Variants in EZH1 observed in about 807,000 individuals in gnomAD.
The protein encoded by EZH1 is enhancer of zeste 1 polycomb repressive complex 2 subunit.
A neutral mutation model predicts 100.5 loss-of-function variants in EZH1; 33 were observed. The ratio of observed to expected loss-of-function variants is 0.33; its 90% confidence interval spans 0.25 to 0.44. The LOEUF (loss-of-function observed/expected upper bound fraction) is 0.44. Among genes scored for constraint, EZH1 ranks in the 20% least tolerant of loss-of-function variants. EZH1 has a pLI of 1.00. For synonymous variants in EZH1, 272 were observed against 313.8 expected (o/e 0.87, Z 1.41); for missense variants, 475 against 928.4 (o/e 0.51, Z 6.35).
intron 10 of EZH1, among the ~76,000 whole-genome samples, chr17:42,714,859 C>T (rs1211162174): frequency 7.3e-6 from 1 of 136,360 alleles, no homozygotes; most frequent in Non-Finnish European, 1.5e-5. Context: ...TATATATTTA[C>T]ATATAATTTT....
chr17:42,737,599 C>T (rs1348844289), intron 1 of EZH1, among the ~76,000 whole-genome samples: 1 of 152,200 alleles, frequency 6.6e-6, no homozygotes, highest in East Asian at 1.9e-4. Context: ...GAGTGAGACC[C>T]TGTTTCAAAC....
At chr17:42,738,004 G>A (rs574231819) in intron 1 of EZH1, among the ~76,000 whole-genome samples, 21 of 151,802 alleles carry the variant, frequency 1.4e-4, no homozygotes, top group Admixed American at 2.6e-4. Context: ...GTGAAACCCC[G>A]TCTCTACTAA....
At chr17:42,728,405 C>T (rs1262013224) in intron 3 of EZH1, among the ~76,000 whole-genome samples, 3 of 150,088 alleles carry the variant, frequency 2.0e-5, no homozygotes, top group African/African-American at 2.4e-5. Flanking sequence ...TGAGCCACCG[C>T]ACCTGGCCCT....
At chr17:42,717,081 T>C (rs1341066395) in intron 10 of EZH1, among the ~76,000 whole-genome samples, 1 of 152,192 alleles carries the variant, frequency 6.6e-6, no homozygotes, top group African/African-American at 2.4e-5. Context: ...CGCTGACTTA[T>C]CAACAAACTT....
intron 1 of EZH1, among the ~76,000 whole-genome samples, chr17:42,737,470 G>C (rs1173643503): frequency 6.6e-6 from 1 of 152,142 alleles, no homozygotes; most frequent in African/African-American, 2.4e-5. Context: ...GGGCATGGTG[G>C]CGTGTGCTTC....
chr17:42,718,195 A>C lies in EZH1; in HGVS notation c.932-128T>G. 1.1e-6 allele frequency: 1 copy of C among 915,220 alleles called. No homozygotes were observed. The allele number at this position is 915,220 out of a possible 1,614,324, so 56.7% of individuals were successfully genotyped here. On this transcript the variant is annotated intron_variant, in intron 9 of 20. Transcript: ENST00000428826. This position sits in a 1 kb window ranked among gnomAD's most constrained non-coding sequence, Gnocchi z 4.2. ...ATAAACGGCTACCATCAGGGTGCACAAAATTCAGTCATTTCTGACATCAAC... is the reference window on the plus strand; with the variant it reads ...ATAAACGGCTACCATCAGGGTGCACCAAATTCAGTCATTTCTGACATCAAC...
Position 42,718,649 on chromosome 17 carries a change from C to G in EZH1, c.768-32G>C. On this transcript the variant is annotated intron_variant, in intron 8 of 20. Coordinates refer to ENST00000428826, the MANE Select transcript of EZH1 (RefSeq NM_001991.5). This position sits in a 1 kb window ranked among gnomAD's most constrained non-coding sequence, Gnocchi z 4.2. ...AAGAAAAGAGAGATAAGAGTTCCTCCGAGGAACTGCCTCCACTGAGGAAAT... is the reference window on the plus strand; with the variant it reads ...AAGAAAAGAGAGATAAGAGTTCCTCGGAGGAACTGCCTCCACTGAGGAAAT... The G allele has an allele frequency of 6.2e-7, 1 of 1,608,492 alleles. No homozygotes were observed. Among genetic ancestry groups the G allele is most frequent in the Non-Finnish European group, 8.5e-7 (1 of 1,175,782 alleles).
intron 12 of EZH1, among the ~76,000 whole-genome samples, chr17:42,711,007 T>C (rs2053470795): frequency 6.6e-6 from 1 of 152,122 alleles, no homozygotes; most frequent in Non-Finnish European, 1.5e-5. Flanking sequence ...GCCAAAGCAT[T>C]GGGGTTCCTT....
chr17:42,731,912 A>G (rs2053958124), intron 1 of EZH1: 1 of 152,270 alleles, frequency 6.6e-6, no homozygotes, highest in Non-Finnish European at 1.5e-5. Flanking sequence ...AAACAAAACA[A>G]AACAAAACAA....
intron 2 of EZH1, among the ~76,000 whole-genome samples, chr17:42,729,499 T>C (rs1160229990): frequency 6.6e-6 from 1 of 150,764 alleles, no homozygotes; most frequent in Non-Finnish European, 1.5e-5. Context: ...GAGGCCAAGG[T>C]GGGTGGATCT....
intron 15 of EZH1, among the ~76,000 whole-genome samples, chr17:42,707,356 G>A (rs1377378692): frequency 6.6e-6 from 1 of 152,126 alleles, no homozygotes; most frequent in Non-Finnish European, 1.5e-5. Flanking sequence ...CTGCCCTCTG[G>A]GTTCAAGCAG....
chr17:42,728,775 G>A (rs1432035534), intron 3 of EZH1, 50 bp downstream of exon 3: 2 of 1,581,256 alleles, frequency 1.3e-6, no homozygotes, highest in Admixed American at 3.7e-5. Context: ...CCTTTACACT[G>A]GGTCAGTATA....
intron 6 of EZH1, 73 bp downstream of exon 6, chr17:42,722,721 TG>T: frequency 6.7e-7 from 1 of 1,490,334 alleles, no homozygotes; most frequent in Non-Finnish European, 9.1e-7. Context: ...AAAAGCAAGA[TG>T]GCAAGATGAT....
chr17:42,720,541 C>G, intron 6 of EZH1, 92 bp from the exon 7 acceptor site: 2 of 1,106,884 alleles, frequency 1.8e-6, no homozygotes, highest in Non-Finnish European at 2.5e-6. Context: ...TCCAGAGGCC[C>G]AGATATGTCA....
chr17:42,709,200 A>T, intron 13 of EZH1: 1 of 441,454 alleles, frequency 2.3e-6, no homozygotes, highest in Non-Finnish European at 4.1e-6. Context: ...CTATTGGTCT[A>T]TTATAAAGCT....
intron 12 of EZH1, 32 bp downstream of exon 12, chr17:42,712,257 G>T: frequency 6.2e-7 from 1 of 1,603,530 alleles, no homozygotes; most frequent in South Asian, 1.1e-5. Context: ...TGAAAGGAGG[G>T]GCCCATTTGT....
intron 6 of EZH1, 103 bp from the exon 7 acceptor site, chr17:42,720,552 C>G: frequency 2.0e-6 from 2 of 976,960 alleles, no homozygotes; most frequent in Non-Finnish European, 2.9e-6. Context: ...AGATATGTCA[C>G]ATGTGTACAT....
At chr17:42,734,128 G>C (rs1383965904) in intron 1 of EZH1, among the ~76,000 whole-genome samples, 2 of 149,776 alleles carry the variant, frequency 1.3e-5, no homozygotes, top group East Asian at 4.1e-4. Flanking sequence ...GCTCACTGCA[G>C]CCTCCACCTC....
At position 42,718,453 on chromosome 17, in the gene EZH1, C is replaced by T; in HGVS notation, c.931+1G>A. The T allele has an allele frequency of 6.2e-7, 1 of 1,613,200 alleles. No homozygotes were observed. The highest frequency in any genetic ancestry group is 8.5e-7 in the Non-Finnish European group (1 of 1,179,948). On this transcript the variant is annotated splice_donor_variant, in intron 9 of 20. Transcript: ENST00000428826. LOFTEE classifies it high-confidence loss of function. This position sits in a 1 kb window ranked among gnomAD's most constrained non-coding sequence, Gnocchi z 4.2. The stretch of plus-strand genomic sequence containing the variant: ...ATTTCAAACAGAGTAGCCCCACTCA[C>T]GGTGAAGGAAGCAGTCGTATTTAAA...
Sources: allele counts gnomAD v4.1 joint callset (sites outside exome capture counted in the v4.1 genomes callset), GRCh38; gene constraint gnomAD v4.1.1; non-coding constraint Gnocchi (gnomAD v3.1); transcripts MANE v1.5; gene names NCBI Gene and HGNC (gene_info 2026-07-23, HGNC 2026-07-21).